RASSF8: variants seen among roughly 807,000 people sequenced by gnomAD.
RASSF8 encodes the protein Ras association domain family member 8, also known as ras association domain-containing protein 8.
Under a neutral mutation model 48.5 loss-of-function variants are expected in RASSF8, and 22 were observed. The observed-to-expected ratio is 0.45, with a 90% confidence interval of 0.32 to 0.65. The LOEUF is 0.65. Among genes scored for constraint, RASSF8 ranks in the 30% least tolerant of loss-of-function variants. The probability of loss-of-function intolerance (pLI) is 0.03; values close to 1 mark genes in which losing one functional copy is unlikely to be tolerated. For synonymous variants in RASSF8, 127 were observed against 171.5 expected (o/e 0.74, Z 2.03); for missense variants, 418 against 489.2 (o/e 0.85, Z 1.37).
intron 3 of RASSF8, among the ~76,000 whole-genome samples, chr12:26,062,696 A>T (rs958646474): frequency 5.9e-5 from 9 of 152,108 alleles, no homozygotes; most frequent in Admixed American, 2.6e-4. Flanking sequence ...GGGAGGGGAA[A>T]AAATAAATAA....
chr12:26,014,680 A>G (rs1326361679), intron 2 of RASSF8, among the ~76,000 whole-genome samples: 1 of 152,222 alleles, frequency 6.6e-6, no homozygotes, highest in Non-Finnish European at 1.5e-5. Flanking sequence ...ATAGTTTGCC[A>G]TGATGAAATT....
intron 2 of RASSF8, among the ~76,000 whole-genome samples, chr12:26,018,687 A>G (rs906935857): frequency 6.6e-6 from 1 of 152,202 alleles, no homozygotes; most frequent in Non-Finnish European, 1.5e-5. Flanking sequence ...AGGAAAGAGG[A>G]TGAATACTGG....
At chr12:26,073,963 G>T (rs56194074), downstream of RASSF8, among the ~76,000 whole-genome samples, 29,026 of 150,556 alleles carry the variant, frequency 0.19, 3,175 homozygotes, top group African/African-American at 0.3. Context: ...TATATATAGA[G>T]AGAGAGAGAG....
intron 2 of RASSF8, among the ~76,000 whole-genome samples, chr12:26,023,812 A>G (rs1942843136): frequency 6.6e-6 from 1 of 152,232 alleles, no homozygotes; most frequent in African/African-American, 2.4e-5. Context: ...TGAGTTTTCA[A>G]AAGATGGAGA....
chr12:25,959,875 A>G (rs1205224023), intron 1 of RASSF8: 1 of 152,162 alleles, frequency 6.6e-6, no homozygotes, highest in Non-Finnish European at 1.5e-5. Flanking sequence ...CTAAACCACT[A>G]CTTTCCCAGC....
chr12:26,006,591 G>A (rs886452801), intron 2 of RASSF8, among the ~76,000 whole-genome samples: 2 of 152,168 alleles, frequency 1.3e-5, no homozygotes, highest in African/African-American at 4.8e-5. Context: ...TTTATACTTA[G>A]GGGTAGTTGT....
chr12:25,964,476 T>C (rs1052121465), intron 1 of RASSF8, among the ~76,000 whole-genome samples: 3 of 152,232 alleles, frequency 2.0e-5, no homozygotes, highest in Admixed American at 2.0e-4. Flanking sequence ...GATGGTTTGC[T>C]ACCAGGTTTT....
intron 2 of RASSF8, among the ~76,000 whole-genome samples, chr12:26,051,471 G>GT (rs1347224118): frequency 3.9e-5 from 6 of 151,956 alleles, no homozygotes; most frequent in Admixed American, 6.6e-5. Flanking sequence ...TGCTTTATGT[G>GT]TTTTTTTCTG....
chr12:25,989,088 A>C (rs568461514), intron 1 of RASSF8, among the ~76,000 whole-genome samples: 1 of 152,292 alleles, frequency 6.6e-6, no homozygotes, highest in South Asian at 2.1e-4. Flanking sequence ...CAGATTTACA[A>C]TGTCTCCTTT....
intron 1 of RASSF8, among the ~76,000 whole-genome samples, chr12:25,981,996 A>G (rs1047421344): frequency 6.6e-6 from 1 of 152,230 alleles, no homozygotes; most frequent in African/African-American, 2.4e-5. Context: ...ATAATATAAC[A>G]TGAATTTTTA....
At chr12:26,020,181 G>C (rs962201998) in intron 2 of RASSF8, 2 of 152,126 alleles carry the variant, frequency 1.3e-5, no homozygotes, top group Non-Finnish European at 2.9e-5. Context: ...TGAGGCTGTT[G>C]AACTGTGGAG....
chr12:26,012,865 G>A (rs553448125), intron 2 of RASSF8, among the ~76,000 whole-genome samples: 6 of 151,824 alleles, frequency 4.0e-5, no homozygotes, highest in East Asian at 1.9e-4. Flanking sequence ...TTGTAAAGAC[G>A]GAGTCTCACT....
At chr12:26,005,417 G>A (rs908251680) in intron 2 of RASSF8, among the ~76,000 whole-genome samples, 4 of 152,098 alleles carry the variant, frequency 2.6e-5, no homozygotes, top group African/African-American at 4.8e-5. Flanking sequence ...TCATTGCACC[G>A]GTGACTGTCA....
intron 3 of RASSF8, among the ~76,000 whole-genome samples, chr12:26,061,357 A>G (rs1017529639): frequency 2.6e-5 from 4 of 152,166 alleles, no homozygotes; most frequent in African/African-American, 7.2e-5. Context: ...CAGTCATTCA[A>G]TAAGATCTCA....
At chr12:25,983,941 C>T (rs1183793157) in intron 1 of RASSF8, among the ~76,000 whole-genome samples, 1 of 152,162 alleles carries the variant, frequency 6.6e-6, no homozygotes, top group Admixed American at 6.5e-5. Context: ...ACTACCAGTT[C>T]GTGCATCAAC....
intron 2 of RASSF8, among the ~76,000 whole-genome samples, chr12:26,043,875 TCTGTGATGATAAAGATC>T (rs1943318234): frequency 6.6e-6 from 1 of 152,084 alleles, no homozygotes; most frequent in Non-Finnish European, 1.5e-5. Context: ...GCAAAACTAG[TCTGTGATGATAAAGATC>T]ATAATAATAG....
chr12:25,994,073 G>A (rs1008452228), intron 1 of RASSF8, among the ~76,000 whole-genome samples: 3 of 152,130 alleles, frequency 2.0e-5, no homozygotes, highest in Non-Finnish European at 4.4e-5. Flanking sequence ...GGAAACTTTG[G>A]ACTAACTTTC....
rs1465200768 is a variant in RASSF8 at position 26,064,547 on chromosome 12, A to G, written c.153A>G (p.Arg51=). Residue 51 remains arginine, a synonymous_variant, in exon 4 of 6, where the codon AGA becomes AGG. Coordinates refer to ENST00000689635, the MANE Select transcript of RASSF8 (RefSeq NM_001394098.1). The part of the protein sequence containing the change: ...TLIEKWRDTE[R]HLAPHENPII... ...TAGAGAAATGGAGAGATACTGAAAG[A>G]CACTTAGCACCTCATGAAAATCCTA... is the stretch of plus-strand genomic sequence containing the variant. The G allele has an allele frequency of 6.2e-7, 1 of 1,608,870 alleles. No individual in the cohort carries two copies. Among genetic ancestry groups the G allele is most frequent in the African/African-American group, 1.3e-5 (1 of 74,740 alleles).
intron 2 of RASSF8, chr12:26,052,572 C>T (rs915427530): frequency 7.9e-5 from 12 of 152,132 alleles, no homozygotes; most frequent in African/African-American, 1.7e-4. Context: ...TTAGTCTGAA[C>T]GATGACCAAT....
Sources: allele counts gnomAD v4.1 joint callset (sites outside exome capture counted in the v4.1 genomes callset), GRCh38; gene constraint gnomAD v4.1.1; transcripts MANE v1.5; gene names NCBI Gene and HGNC (gene_info 2026-07-23, HGNC 2026-07-21).